KCNIP4: variants seen among roughly 807,000 people sequenced by gnomAD.
The protein encoded by KCNIP4 is Kv channel-interacting protein 4.
A neutral mutation model predicts 34.0 loss-of-function variants in KCNIP4; 12 were observed. The observed-to-expected ratio is 0.35, with a 90% CI of 0.23 to 0.57. The LOEUF (loss-of-function observed/expected upper bound fraction) is 0.57. KCNIP4 is among the 20% of genes least tolerant of loss of function. The probability of loss-of-function intolerance (pLI) is 0.83; values close to 1 mark genes in which losing one functional copy is unlikely to be tolerated. For missense variants in KCNIP4, 238 were observed against 311.7 expected (o/e 0.76, Z 1.78); for synonymous variants, 124 against 102.2 (o/e 1.21, Z -1.29).
chr4:20,738,415 C>A (rs1322088646), intron 5 of KCNIP4, among the ~76,000 whole-genome samples: 1 of 152,036 alleles, frequency 6.6e-6, no homozygotes, highest in Non-Finnish European at 1.5e-5. Flanking sequence ...ATTTATGGGA[C>A]CTACTCCAAG....
intron 1 of KCNIP4, among the ~76,000 whole-genome samples, chr4:21,867,627 T>C (rs1725510600): frequency 6.6e-6 from 1 of 152,188 alleles, no homozygotes; most frequent in Non-Finnish European, 1.5e-5. Context: ...AAAGCAGAGA[T>C]GCTGGAGCAT....
intron 1 of KCNIP4, among the ~76,000 whole-genome samples, chr4:21,078,943 C>T (rs1676769960): frequency 1.3e-5 from 2 of 152,108 alleles, no homozygotes; most frequent in South Asian, 4.1e-4. Context: ...GGGCTGTCCT[C>T]TTTCACTCCA....
intron 1 of KCNIP4, among the ~76,000 whole-genome samples, chr4:21,509,807 T>C (rs910833217): frequency 2.6e-5 from 4 of 152,068 alleles, no homozygotes; most frequent in Non-Finnish European, 4.4e-5. Flanking sequence ...ACTGTAAATA[T>C]CCCCTGTCTT....
intron 1 of KCNIP4, among the ~76,000 whole-genome samples, chr4:21,658,857 C>T (rs1309650561): frequency 1.3e-5 from 2 of 152,098 alleles, no homozygotes; most frequent in Non-Finnish European, 2.9e-5. Flanking sequence ...GTGACAAGGT[C>T]GGTCTAAATC....
intron 1 of KCNIP4, among the ~76,000 whole-genome samples, chr4:21,016,815 C>G (rs1459888140): frequency 1.3e-5 from 2 of 152,072 alleles, no homozygotes; most frequent in Admixed American, 1.3e-4. Context: ...AGGGAATAAG[C>G]TCATGAGAAG....
chr4:20,920,828 A>G (rs921809125), intron 1 of KCNIP4, among the ~76,000 whole-genome samples: 5 of 152,110 alleles, frequency 3.3e-5, no homozygotes, highest in Non-Finnish European at 7.4e-5. Context: ...TGTCTTTACT[A>G]AAAATACAAA....
chr4:20,975,892 T>C (rs900591554), intron 1 of KCNIP4, among the ~76,000 whole-genome samples: 7 of 152,204 alleles, frequency 4.6e-5, no homozygotes, highest in African/African-American at 1.7e-4. Context: ...ATGAAAATTG[T>C]ATGGGATTCA....
chr4:21,779,201 A>T (rs886361204), intron 1 of KCNIP4, among the ~76,000 whole-genome samples: 1 of 152,158 alleles, frequency 6.6e-6, no homozygotes, highest in Non-Finnish European at 1.5e-5. Context: ...ATTTATGGTA[A>T]TTCTAAGGAT....
intron 1 of KCNIP4, among the ~76,000 whole-genome samples, chr4:21,773,161 A>G (rs1222243761): frequency 6.6e-6 from 1 of 152,116 alleles, no homozygotes; most frequent in Non-Finnish European, 1.5e-5. Context: ...TTATGCCTTA[A>G]TTTCATTATT....
At chr4:21,589,156 G>GTATATATATATA (rs375787939) in intron 1 of KCNIP4, among the ~76,000 whole-genome samples, 6 of 71,238 alleles carry the variant, frequency 8.4e-5, no homozygotes, top group Non-Finnish European at 1.7e-4. Flanking sequence ...ATGGAGGTGT[G>GTATATATATATA]TATATATATA....
In KCNIP4 at chr4:20,729,631, A is replaced by AATTTAATTT. The variant is rs2149243426; in HGVS notation, c.*450_*451insAAATTAAAT. 6.6e-6 allele frequency: 1 copy of AATTTAATTT among 152,260 alleles called. No individual in the cohort carries two copies. Among genetic ancestry groups the AATTTAATTT allele is most frequent in the African/African-American group, 2.4e-5 (1 of 41,328 alleles). 9.4% of individuals were successfully genotyped at this position (152,260 alleles called of 1,614,324 possible). On this transcript the variant is annotated 3_prime_UTR_variant, in exon 9 of 9. Coordinates refer to ENST00000382152, the MANE Select transcript of KCNIP4 (RefSeq NM_025221.6). ...ATATAAATGGAATTTAAATGGAATT[A>AATTTAATTT]CAGCATTCAAACATGAAAATTAATT...
intron 1 of KCNIP4, among the ~76,000 whole-genome samples, chr4:21,075,277 C>T (rs1373640948): frequency 6.6e-6 from 1 of 152,128 alleles, no homozygotes; most frequent in Non-Finnish European, 1.5e-5. Flanking sequence ...GAGTCTAAGT[C>T]TCTTTGTAGG....
Position 21,652,359 on chromosome 4 carries a change from A to G in KCNIP4, c.61+296212T>C, listed in dbSNP as rs1374450907. Among the ~76,000 whole-genome samples, 3 of 152,278 alleles carry G rather than the reference A, an allele frequency of 2.0e-5. No homozygotes were observed. In the East Asian group the frequency reaches 5.8e-4, roughly 29 times the overall value. On this transcript the variant is annotated intron_variant, in intron 1 of 8. Transcript: ENST00000382152. ...TTGGCCCACCACCTCTTTTGGTACC[A>G]TTTTGATGAAAAAGTATAGGGAGAA...
intron 1 of KCNIP4, among the ~76,000 whole-genome samples, chr4:20,921,866 T>C (rs1321924378): frequency 6.6e-6 from 1 of 152,238 alleles, no homozygotes; most frequent in African/African-American, 2.4e-5. Flanking sequence ...AGACTATCTC[T>C]ATTATATTTG....
intron 1 of KCNIP4, among the ~76,000 whole-genome samples, chr4:21,009,849 C>T (rs1181169779): frequency 6.6e-6 from 1 of 152,216 alleles, no homozygotes; most frequent in African/African-American, 2.4e-5. Context: ...CCTTCTCATT[C>T]AACCGTCCTG....
chr4:20,760,060 T>A (rs1754821805), intron 3 of KCNIP4, among the ~76,000 whole-genome samples: 1 of 152,158 alleles, frequency 6.6e-6, no homozygotes, highest in Non-Finnish European at 1.5e-5. Context: ...GCGACTATAT[T>A]TATTGACAAA....
Position 21,267,707 on chromosome 4 carries a change from T to C in KCNIP4, c.62-384998A>G, listed in dbSNP as rs555169254. Among the ~76,000 whole-genome samples the C allele has an allele frequency of 5.6e-5, 8 of 142,626 alleles. No individual in the cohort carries two copies. In the East Asian group the frequency reaches 1.4e-3, roughly 25 times the overall value. The allele number at this position is 142,626 out of a possible 152,430, so 93.6% of individuals were successfully genotyped here. On this transcript the variant is annotated intron_variant, in intron 1 of 8. Transcript: ENST00000382152. ...CATCCCAGGGATGAAGCCCACTTGATCGTGGTGGATAAGCTTTTTGATGTG... is the reference window on the plus strand; with the variant it reads ...CATCCCAGGGATGAAGCCCACTTGACCGTGGTGGATAAGCTTTTTGATGTG...
chr4:20,948,133 G>A (rs1336953567), intron 1 of KCNIP4, among the ~76,000 whole-genome samples: 2 of 152,190 alleles, frequency 1.3e-5, no homozygotes, highest in Non-Finnish European at 2.9e-5. Flanking sequence ...TCCAGAAGCA[G>A]CAGACCATTG....
At chr4:21,012,264 A>G (rs527819039) in intron 1 of KCNIP4, among the ~76,000 whole-genome samples, 2 of 152,254 alleles carry the variant, frequency 1.3e-5, no homozygotes, top group Non-Finnish European at 2.9e-5. Context: ...GGGAGAAAAT[A>G]TAGTTTAGGG....
Sources: allele counts gnomAD v4.1 joint callset (sites outside exome capture counted in the v4.1 genomes callset), GRCh38; gene constraint gnomAD v4.1.1; transcripts MANE v1.5; gene names NCBI Gene and HGNC (gene_info 2026-07-23, HGNC 2026-07-21).